TMEM120B: variants seen among roughly 807,000 people sequenced by gnomAD.
TMEM120B encodes transmembrane protein 120B.
A neutral mutation model predicts 55.5 loss-of-function variants in TMEM120B; 31 were observed. The observed-to-expected ratio is 0.56, with a 90% CI of 0.42 to 0.75. TMEM120B has a LOEUF of 0.75. Among genes scored for constraint, TMEM120B ranks in the 30% least tolerant of loss-of-function variants. TMEM120B has a pLI of 0.00. For synonymous variants in TMEM120B, 203 were observed against 176.3 expected (o/e 1.15, Z -1.20); for missense variants, 399 against 425.5 (o/e 0.94, Z 0.55).
intron 1 of TMEM120B, among the ~76,000 whole-genome samples, chr12:121,736,447 C>G (rs564507393): frequency 6.6e-6 from 1 of 150,478 alleles, no homozygotes; most frequent in Non-Finnish European, 1.5e-5. Flanking sequence ...GGATTACAGG[C>G]GTGAGCCACC....
intron 3 of TMEM120B, 78 bp downstream of exon 3, chr12:121,748,520 C>T: frequency 1.1e-6 from 1 of 952,298 alleles, no homozygotes; most frequent in South Asian, 1.6e-5. Flanking sequence ...TAACTCTCGC[C>T]TTCCTGCTGG....
chr12:121,751,093 AC>A (rs1873301935), intron 4 of TMEM120B, among the ~76,000 whole-genome samples: 3 of 83,338 alleles, frequency 3.6e-5, no homozygotes, highest in Non-Finnish European at 7.2e-5. Context: ...CCACACCTAC[AC>A]CCCACACCCA....
intron 2 of TMEM120B, among the ~76,000 whole-genome samples, chr12:121,744,824 C>T (rs1204677290): frequency 6.6e-6 from 1 of 152,188 alleles, no homozygotes. Flanking sequence ...GATTATAGCT[C>T]TCAGTGTGGC....
At chr12:121,713,246 T>C (rs1263104274) in intron 1 of TMEM120B, among the ~76,000 whole-genome samples, 1 of 152,186 alleles carries the variant, frequency 6.6e-6, no homozygotes, top group Non-Finnish European at 1.5e-5. Flanking sequence ...GTCTGTGGCC[T>C]CTGAGGCAAG....
intron 1 of TMEM120B, among the ~76,000 whole-genome samples, chr12:121,731,954 C>T (rs374350903): frequency 2.0e-5 from 3 of 152,014 alleles, no homozygotes; most frequent in East Asian, 3.9e-4. Flanking sequence ...CTGGCTAACA[C>T]GGTGAAATGC....
Position 121,779,792 on chromosome 12 carries a change from T to C in TMEM120B, c.*4070T>C. On this transcript the variant is annotated 3_prime_UTR_variant, in exon 12 of 12. Transcript: ENST00000449592. ...CCTTGGTTTGGGCCTGTCTGTCTCC[T>C]CCATCCTGGCTGCCCCTCACAGTGT... 1 of 945,904 alleles carries C rather than the reference T, an allele frequency of 1.1e-6. No homozygotes were observed. Among genetic ancestry groups the C allele is most frequent in the Non-Finnish European group, 1.6e-6 (1 of 634,958 alleles). The allele number at this position is 945,904 out of a possible 1,614,324, so 58.6% of individuals were successfully genotyped here.
chr12:121,744,029 C>A (rs145341767), intron 2 of TMEM120B, among the ~76,000 whole-genome samples: 106 of 152,102 alleles, frequency 7.0e-4, no homozygotes, highest in Admixed American at 3.7e-3. Flanking sequence ...GCTGTGCCAC[C>A]CTGGCTGAAG....
Position 121,750,868 on chromosome 12 carries a change from C to T in TMEM120B, c.365+429C>T, listed in dbSNP as rs1281431558. ...CCACACCCCATACCCACACCCCACA[C>T]CCACACCACACACCACACCCCACAT... On this transcript the variant is annotated intron_variant, in intron 4 of 11. Transcript: ENST00000449592. Among the ~76,000 whole-genome samples, 26 of 132,248 alleles carry T rather than the reference C, an allele frequency of 2.0e-4. 1 individual carries two copies. Among genetic ancestry groups the T allele is most frequent in the African/African-American group, 7.6e-4 (26 of 34,216 alleles). The allele number at this position is 132,248 out of a possible 152,430, so 86.8% of individuals were successfully genotyped here.
At position 121,780,971 on chromosome 12, in the gene TMEM120B, G is replaced by A; in HGVS notation, c.*5249G>A. On this transcript the variant is annotated 3_prime_UTR_variant, in exon 12 of 12. Transcript: ENST00000449592. ...TCTTGCAGCCGATGAGCACCATGGGGATCCCGCGGCAGAAATGCGTGACCT... is the reference window on the plus strand; with the variant it reads ...TCTTGCAGCCGATGAGCACCATGGGAATCCCGCGGCAGAAATGCGTGACCT... 6.2e-7 allele frequency: 1 copy of A among 1,614,062 alleles called. No homozygotes were observed. The highest frequency in any genetic ancestry group is 1.1e-5 in the South Asian group (1 of 91,078).
At chr12:121,761,836 C>A in intron 6 of TMEM120B, 98 bp downstream of exon 6, 1 of 913,768 alleles carries the variant, frequency 1.1e-6, no homozygotes, top group East Asian at 2.5e-5. Context: ...GGCTGCATTC[C>A]TCTCCTCCTT....
intron 7 of TMEM120B, 78 bp from the exon 8 acceptor site, chr12:121,771,410 T>C: frequency 7.9e-7 from 1 of 1,272,636 alleles, no homozygotes; most frequent in South Asian, 1.2e-5. Flanking sequence ...CTCTTCTGGT[T>C]GGAATGGAGT....
Position 121,775,727 on chromosome 12 carries a change from C to T in TMEM120B, c.*5C>T, listed in dbSNP as rs563651797. ...GGCAAGACAAAGCAGCCGTGAGCCT[C>T]GGGCTCCTGTGCCCTCGGCCCGGAC... On this transcript the variant is annotated 3_prime_UTR_variant, in exon 12 of 12. Coordinates refer to ENST00000449592, the MANE Select transcript of TMEM120B (RefSeq NM_001080825.2). This position sits in a 1 kb window ranked among gnomAD's most constrained non-coding sequence, Gnocchi z 4.3. The T allele has an allele frequency of 2.0e-5, 33 of 1,613,612 alleles. No individual in the cohort carries two copies. Among genetic ancestry groups the T allele is most frequent in the South Asian group, 3.3e-5 (3 of 91,086 alleles).
chr12:121,758,129 G>A (rs2137259759), intron 5 of TMEM120B: 1 of 983,514 alleles, frequency 1.0e-6, no homozygotes, highest in East Asian at 1.1e-4. Context: ...CAAAGACAGA[G>A]CCTTTGTCAG....
chr12:121,726,566 G>T (rs1335679154), intron 1 of TMEM120B, among the ~76,000 whole-genome samples: 1 of 138,438 alleles, frequency 7.2e-6, no homozygotes, highest in African/African-American at 2.9e-5. Flanking sequence ...GTGACAGAGC[G>T]AGACTCTGTC....
At chr12:121,768,629 T>C (rs886324801) in intron 6 of TMEM120B, among the ~76,000 whole-genome samples, 1 of 152,176 alleles carries the variant, frequency 6.6e-6, no homozygotes, top group Non-Finnish European at 1.5e-5. Context: ...AGCCTCCACC[T>C]CCCAGTCCTG....
Position 121,745,258 on chromosome 12 carries a change from T to C in TMEM120B, c.188+1511T>C, listed in dbSNP as rs558419513. Among the ~76,000 whole-genome samples the C allele has an allele frequency of 2.6e-5, 4 of 152,232 alleles. No homozygotes were observed. In the South Asian group the frequency reaches 8.3e-4, roughly 32 times the overall value. On this transcript the variant is annotated intron_variant, in intron 2 of 11. Transcript: ENST00000449592. ...TGTCTGCTGACTTGTTTTCTGGTTT[T>C]GAGAGTTCCGTGTTACCAAAGAATA...
chr12:121,760,129 C>CAAAAA, intron 5 of TMEM120B, among the ~76,000 whole-genome samples: 1 of 47,428 alleles, frequency 2.1e-5, no homozygotes, highest in Non-Finnish European at 4.4e-5. Context: ...AACTACGTCT[C>CAAAAA]AAAAAAAAAA....
rs1405226279 is a variant in TMEM120B at position 121,775,465 on chromosome 12, G to T, written c.907-144G>T. ...AGCCTGAGGCCTCACCCTTCCCCCAGGTCTCCTGAATCTCTGCCTTCGATG... is the reference window on the plus strand; with the variant it reads ...AGCCTGAGGCCTCACCCTTCCCCCATGTCTCCTGAATCTCTGCCTTCGATG... On this transcript the variant is annotated intron_variant, in intron 11 of 11. Transcript: ENST00000449592. The surrounding 1 kb of genome is among the most constrained non-coding windows in gnomAD (Gnocchi z 4.3). 15 of 1,445,104 alleles carry T rather than the reference G, an allele frequency of 1.0e-5. No homozygotes were observed. The highest frequency in any genetic ancestry group is 1.4e-5 in the African/African-American group (1 of 70,086). The allele number at this position is 1,445,104 out of a possible 1,614,324, so 89.5% of individuals were successfully genotyped here.
chr12:121,728,399 G>A (rs542481433), intron 1 of TMEM120B, among the ~76,000 whole-genome samples: 140 of 151,844 alleles, frequency 9.2e-4, no homozygotes, highest in African/African-American at 3.3e-3. Flanking sequence ...TGAGGCAGGA[G>A]AATGGCGTGA....
Sources: gnomAD v4.1 joint callset for allele counts (sites outside exome capture counted in the v4.1 genomes callset) on GRCh38, gnomAD v4.1.1 for gene constraint, Gnocchi (gnomAD v3.1) non-coding constraint, MANE v1.5 for transcripts, NCBI Gene and HGNC (gene_info 2026-07-23, HGNC 2026-07-21) for gene names.